TMEM120B: variants seen among roughly 807,000 people sequenced by gnomAD.
The protein encoded by TMEM120B is transmembrane protein 120B.
In TMEM120B, 31 loss-of-function variants were observed where a neutral mutation model predicts 55.5. The observed-to-expected ratio is 0.56, with a 90% CI of 0.42 to 0.75. The LOEUF (loss-of-function observed/expected upper bound fraction) is 0.75. TMEM120B is among the 30% of genes least tolerant of loss of function. TMEM120B has a pLI of 0.00. For synonymous variants in TMEM120B, 203 were observed against 176.3 expected (o/e 1.15, Z -1.20); for missense variants, 399 against 425.5 (o/e 0.94, Z 0.55).
intron 1 of TMEM120B, among the ~76,000 whole-genome samples, chr12:121,737,212 A>C (rs771164241): frequency 5.9e-5 from 9 of 151,984 alleles, no homozygotes; most frequent in Non-Finnish European, 1.3e-4. Flanking sequence ...CTGTTTTAAA[A>C]CCATCACAGT....
At chr12:121,742,679 G>C (rs1324105321) in intron 1 of TMEM120B, among the ~76,000 whole-genome samples, 1 of 145,318 alleles carries the variant, frequency 6.9e-6, no homozygotes, top group East Asian at 2.0e-4. Context: ...TCCGCCCCCT[G>C]GGTTCAAGTG....
At chr12:121,749,096 G>A (rs188135380) in intron 3 of TMEM120B, among the ~76,000 whole-genome samples, 3 of 152,164 alleles carry the variant, frequency 2.0e-5, no homozygotes, top group South Asian at 2.1e-4. Context: ...TCAGCCTCGC[G>A]CTGAGTCAGA....
chr12:121,758,577 C>T lies in TMEM120B; in HGVS notation c.462-3072C>T, dbSNP rs1170739622. 1.8e-5 allele frequency: 18 copies of T among 982,908 alleles called. No homozygotes were observed. The South Asian group carries it at 7.6e-4, about 41-fold the overall frequency. The allele number at this position is 982,908 out of a possible 1,614,324, so 60.9% of individuals were successfully genotyped here. ...ACCATGGAGGAGGACGGCCCAGCCC[C>T]GTGCTGTGGTCACCATGGAGGAGGA... On this transcript the variant is annotated intron_variant, in intron 5 of 11. Coordinates refer to ENST00000449592, the MANE Select transcript of TMEM120B (RefSeq NM_001080825.2).
intron 5 of TMEM120B, among the ~76,000 whole-genome samples, chr12:121,759,151 C>T (rs191597659): frequency 2.8e-5 from 4 of 144,514 alleles, no homozygotes; most frequent in South Asian, 2.2e-4. Flanking sequence ...GGTGGAGTCT[C>T]GCTCACTCCC....
chr12:121,772,093 C>CTT (rs1874079070), intron 8 of TMEM120B, among the ~76,000 whole-genome samples: 3 of 135,156 alleles, frequency 2.2e-5, no homozygotes, highest in South Asian at 2.3e-4. Flanking sequence ...CTTTCTCTCT[C>CTT]TCTCTCTTTC....
intron 5 of TMEM120B, chr12:121,758,796 C>T (rs1391076365): frequency 2.0e-6 from 2 of 979,458 alleles, no homozygotes; most frequent in Non-Finnish European, 2.4e-6. Context: ...GACGGCCTAG[C>T]CCCGTGCTGT....
At chr12:121,770,243 C>T (rs998819570) in intron 6 of TMEM120B, among the ~76,000 whole-genome samples, 2 of 152,100 alleles carry the variant, frequency 1.3e-5, no homozygotes, top group Non-Finnish European at 2.9e-5. Flanking sequence ...ATGGCATCTC[C>T]CCGTGTGTCC....
chr12:121,779,926 T>C lies in TMEM120B; in HGVS notation c.*4204T>C. On this transcript the variant is annotated 3_prime_UTR_variant, in exon 12 of 12. Coordinates refer to ENST00000449592, the MANE Select transcript of TMEM120B (RefSeq NM_001080825.2). ...CTCCGGGCAGGGAGGGGCTGAATCC[T>C]GAGACCCGGGGTTGGTTCCCCCAGG... is the stretch of plus-strand genomic sequence containing the variant. 1.6e-5 allele frequency: 7 copies of C among 429,396 alleles called. No homozygotes were observed. The allele number at this position is 429,396 out of a possible 1,614,324, so 26.6% of individuals were successfully genotyped here. A position where few individuals can be genotyped will look rare whatever the true frequency, so the allele number is the denominator to read the frequency against.
At position 121,767,923 on chromosome 12, in the gene TMEM120B, G is replaced by A. The variant is rs923161600; in HGVS notation, c.552-2984G>A. Among the ~76,000 whole-genome samples the A allele has an allele frequency of 2.0e-5, 3 of 152,352 alleles. No homozygotes were observed. The East Asian group carries it at 5.8e-4, about 29-fold the overall frequency. On this transcript the variant is annotated intron_variant, in intron 6 of 11. Transcript: ENST00000449592. ...GCTCCTAGACAGAGGGCATTTCTCA[G>A]GGGAGCTTTGGGAGCAGGACAAAGG...
intron 6 of TMEM120B, among the ~76,000 whole-genome samples, chr12:121,769,143 CAAAAA>C (rs34286143): frequency 1.3e-4 from 12 of 88,992 alleles, no homozygotes; most frequent in African/African-American, 4.2e-4. Context: ...AAGACTGTCT[CAAAAA>C]AAAAAAAAAA....
intron 1 of TMEM120B, among the ~76,000 whole-genome samples, chr12:121,715,065 C>T (rs1031287211): frequency 3.9e-5 from 6 of 152,152 alleles, no homozygotes; most frequent in African/African-American, 7.2e-5. Context: ...AGGCCCAGCG[C>T]GGCGGCTCAT....
chr12:121,775,773 CG>C lies in TMEM120B; in HGVS notation c.*54del. 6.3e-7 allele frequency: 1 copy of C among 1,594,366 alleles called. No homozygotes were observed. ...CGGACTTCAGACTGCAGGGGGCTCC[CG>C]GGCTCCTTCCCAGCAGCCCTCTCAG... is the stretch of plus-strand genomic sequence containing the variant. On this transcript the variant is annotated 3_prime_UTR_variant, in exon 12 of 12. Transcript: ENST00000449592. This position sits in a 1 kb window ranked among gnomAD's most constrained non-coding sequence, Gnocchi z 4.3.
rs1318006798 is a variant in TMEM120B, at chr12:121,761,686, T to C, written c.499T>C (p.Tyr167His). The C allele has an allele frequency of 1.2e-5, 19 of 1,613,848 alleles. No homozygotes were observed. The highest frequency in any genetic ancestry group is 1.6e-5 in the Non-Finnish European group (19 of 1,179,952). Reference protein sequence around the residue: ...DEVFNFLLVWYYCTLTIRESI... With the variant: ...DEVFNFLLVWHYCTLTIRESI... ...AGTCTTCAACTTCCTGCTGGTGTGG[T>C]ATTACTGCACCCTGACCATTCGGGA... Residue 167 changes from tyrosine to histidine, a missense_variant, in exon 6 of 12, where the codon TAT (tyrosine) becomes CAT (histidine). Tyr to His is a moderately conservative substitution (Grantham distance 83, BLOSUM62 2). Transcript: ENST00000449592.
chr12:121,741,486 C>T (rs1004991794), intron 1 of TMEM120B, among the ~76,000 whole-genome samples: 4 of 151,918 alleles, frequency 2.6e-5, no homozygotes, highest in South Asian at 2.1e-4. Context: ...TGTGCCATCA[C>T]GCCTGGCTAA....
intron 6 of TMEM120B, among the ~76,000 whole-genome samples, chr12:121,766,892 T>C (rs1166267924): frequency 6.6e-6 from 1 of 152,118 alleles, no homozygotes; most frequent in Non-Finnish European, 1.5e-5. Context: ...TCCAACTGGC[T>C]TTTCTAGGAG....
chr12:121,774,951 TGTG>T, intron 10 of TMEM120B, 108 bp from the exon 11 acceptor site: 1 of 1,223,660 alleles, frequency 8.2e-7, no homozygotes. Flanking sequence ...CTGTCAGTGT[TGTG>T]GGTAGTTGAT....
chr12:121,767,254 G>A (rs1395907316), intron 6 of TMEM120B, among the ~76,000 whole-genome samples: 6 of 152,156 alleles, frequency 3.9e-5, no homozygotes, highest in Non-Finnish European at 7.3e-5. Context: ...TCCGCGTCCC[G>A]GGTTCACGCC....
chr12:121,767,989 G>C (rs1873903182), intron 6 of TMEM120B, among the ~76,000 whole-genome samples: 1 of 152,188 alleles, frequency 6.6e-6, no homozygotes, highest in Non-Finnish European at 1.5e-5. Flanking sequence ...ACGTGGCTCT[G>C]CAGAGCTCTG....
intron 1 of TMEM120B, among the ~76,000 whole-genome samples, chr12:121,726,711 C>T (rs1005866369): frequency 6.6e-6 from 1 of 151,640 alleles, no homozygotes; most frequent in African/African-American, 2.4e-5. Context: ...TTGAGACCAA[C>T]CTGACCAACA....
Sources: gnomAD v4.1 joint callset for allele counts (sites outside exome capture counted in the v4.1 genomes callset) on GRCh38, gnomAD v4.1.1 for gene constraint, Gnocchi (gnomAD v3.1) non-coding constraint, MANE v1.5 for transcripts, NCBI Gene and HGNC (gene_info 2026-07-23, HGNC 2026-07-21) for gene names.